Variants in OR1J2 observed in about 807,000 individuals in gnomAD.
OR1J2 encodes olfactory receptor 1J2.
For missense variants in OR1J2, 304 were observed against 246.1 expected (o/e 1.24, Z -1.57); for synonymous variants, 142 against 99.7 (o/e 1.42, Z -2.52).
the OR1J2 span, among the ~76,000 whole-genome samples, chr9:122,522,170 A>G: frequency 0.052 from 7,948 of 152,326 alleles, 725 homozygotes; most frequent in African/African-American, 0.18. Flanking sequence ...CACCTCATTG[A>G]GTTTAGAACA....
At chr9:122,543,557 G>A in the OR1J2 span, among the ~76,000 whole-genome samples, 1 of 152,160 alleles carries the variant, frequency 6.6e-6, no homozygotes, top group African/African-American at 2.4e-5. Context: ...TATTTTAGGA[G>A]GTAAATTGTA....
At chr9:122,544,725 T>C in the OR1J2 span, among the ~76,000 whole-genome samples, 1 of 152,196 alleles carries the variant, frequency 6.6e-6, no homozygotes, top group African/African-American at 2.4e-5. Context: ...GTGAAACCTG[T>C]ATGGACAACC....
At chr9:122,479,715 T>C in the OR1J2 span, among the ~76,000 whole-genome samples, 6 of 152,246 alleles carry the variant, frequency 3.9e-5, no homozygotes, top group Non-Finnish European at 8.8e-5. Context: ...GGTTAAGATA[T>C]GAGCTGGATG....
the OR1J2 span, among the ~76,000 whole-genome samples, chr9:122,543,040 G>A: frequency 2.0e-5 from 3 of 152,122 alleles, no homozygotes; most frequent in Non-Finnish European, 4.4e-5. Flanking sequence ...AACTATTTCT[G>A]ATCATTATGA....
the OR1J2 span, among the ~76,000 whole-genome samples, chr9:122,449,795 A>T: frequency 6.6e-6 from 1 of 152,206 alleles, no homozygotes; most frequent in Non-Finnish European, 1.5e-5. Context: ...TTCACTATAT[A>T]GCCGGATCCT....
the OR1J2 span, among the ~76,000 whole-genome samples, chr9:122,454,080 T>C: frequency 1.9e-3 from 292 of 152,344 alleles, 1 homozygote; most frequent in African/African-American, 6.4e-3. Flanking sequence ...AGGTCTCAGG[T>C]AATTGTTGCC....
At chr9:122,527,117 A>C in the OR1J2 span, 2 of 1,614,212 alleles carry the variant, frequency 1.2e-6, no homozygotes, top group Middle Eastern at 3.3e-4. Context: ...TGGCCAAGAA[A>C]AAGTACATGG....
the OR1J2 span, among the ~76,000 whole-genome samples, chr9:122,450,755 C>T: frequency 6.6e-5 from 10 of 152,144 alleles, no homozygotes; most frequent in Non-Finnish European, 1.5e-4. Flanking sequence ...CCTGTCCATT[C>T]CCCCATCCCC....
At chr9:122,502,334 G>T in the OR1J2 span, among the ~76,000 whole-genome samples, 2 of 152,142 alleles carry the variant, frequency 1.3e-5, no homozygotes, top group Admixed American at 6.5e-5. Context: ...AATTAGATGG[G>T]TGTAATGCAA....
chr9:122,553,895 G>A, the OR1J2 span: 7 of 1,613,924 alleles, frequency 4.3e-6, no homozygotes, highest in African/African-American at 8.0e-5. Flanking sequence ...TCTGGGCTGT[G>A]TTTGTCATCT....
At chr9:122,483,034 T>TA in the OR1J2 span, among the ~76,000 whole-genome samples, 19 of 152,168 alleles carry the variant, frequency 1.2e-4, no homozygotes, top group African/African-American at 4.6e-4. Context: ...TAAGAAATGA[T>TA]AAATGAATGA....
the OR1J2 span, among the ~76,000 whole-genome samples, chr9:122,527,734 G>A: frequency 2.0e-5 from 3 of 152,162 alleles, no homozygotes; most frequent in South Asian, 6.2e-4. Flanking sequence ...AAGGACTCAT[G>A]CCTCTTTATT....
At chr9:122,549,033 A>G in the OR1J2 span, among the ~76,000 whole-genome samples, 16 of 151,802 alleles carry the variant, frequency 1.1e-4, no homozygotes, top group Non-Finnish European at 1.9e-4. Flanking sequence ...TTAGTCATGA[A>G]TTATTTGCTT....
the OR1J2 span, among the ~76,000 whole-genome samples, chr9:122,538,105 G>C: frequency 6.6e-6 from 1 of 151,996 alleles, no homozygotes; most frequent in Non-Finnish European, 1.5e-5. Context: ...TTTCTTATCT[G>C]TGCAGCTGTG....
In OR1J2 at chr9:122,511,710, ACT is replaced by A. The variant is rs1488236302; in HGVS notation, c.912_913del (p.Phe305GlnfsTer2). The A allele has an allele frequency of 2.6e-6, 2 of 779,484 alleles. No individual in the cohort carries two copies. Among genetic ancestry groups the A allele is most frequent in the South Asian group, 1.3e-5 (1 of 74,506 alleles). 48.3% of individuals were successfully genotyped at this position (779,484 alleles called of 1,614,324 possible). A position where few individuals can be genotyped will look rare whatever the true frequency, so the allele number is the denominator to read the frequency against. On this transcript the variant is annotated frameshift_variant, in exon 1 of 1. Transcript: ENST00000335302. LOFTEE classifies it low-confidence loss of function (END_TRUNC). Reference protein sequence around the residue: ...NRDMKEALGKLFSRATFFSW With the variant: ...NRDMKEALGKXFSRATFFSW ...GGGACATGAAAGAGGCCCTTGGGAA[ACT>A]CTTCAGTAGAGCAACATTTTTCTCT...
the OR1J2 span, among the ~76,000 whole-genome samples, chr9:122,502,544 A>G: frequency 8.5e-5 from 13 of 152,322 alleles, no homozygotes; most frequent in Admixed American, 8.5e-4. Context: ...AGAGCAGCCA[A>G]TGGGCATGAA....
chr9:122,556,726 T>C, the OR1J2 span, among the ~76,000 whole-genome samples: 1 of 152,184 alleles, frequency 6.6e-6, no homozygotes, highest in Non-Finnish European at 1.5e-5. Flanking sequence ...AACTTGTTCT[T>C]CCATAATGTG....
the OR1J2 span, among the ~76,000 whole-genome samples, chr9:122,479,758 A>AT: frequency 6.6e-6 from 1 of 152,190 alleles, no homozygotes; most frequent in East Asian, 1.9e-4. Flanking sequence ...TCATGTTTCC[A>AT]TGTTCCTTTC....
chr9:122,476,962 C>G, the OR1J2 span: 1 of 1,314,284 alleles, frequency 7.6e-7, no homozygotes, highest in Non-Finnish European at 1.1e-6. Flanking sequence ...TCTGCCTCAG[C>G]CTCCCAAAGT....
Sources: gnomAD v4.1 joint callset for allele counts (sites outside exome capture counted in the v4.1 genomes callset) on GRCh38, gnomAD v4.1.1 for gene constraint, MANE v1.5 for transcripts, NCBI Gene and HGNC (gene_info 2026-07-23, HGNC 2026-07-21) for gene names.